Variants in VTI1A observed in about 807,000 individuals in gnomAD.
VTI1A encodes vesicle transport through interaction with t-SNAREs homolog 1A.
VTI1A carries 22 observed loss-of-function variants against 34.9 expected under a neutral mutation model. The ratio of observed to expected loss-of-function variants is 0.63; its 90% CI spans 0.45 to 0.90. The LOEUF (loss-of-function observed/expected upper bound fraction) is 0.90. Ranked by LOEUF, VTI1A falls within the 40% of genes least tolerant of loss-of-function variation. The pLI, the probability that VTI1A is intolerant of heterozygous loss-of-function variation, is 0.00. For missense variants in VTI1A, 268 were observed against 275.6 expected, an observed-to-expected ratio of 0.97 and a Z score of 0.20; for synonymous variants, 87 against 97.3, an observed-to-expected ratio of 0.89 and a Z score of 0.62.
rs748276058 is a variant in VTI1A at position 112,618,524 on chromosome 10, T to TATAGAGAGAGAG, written c.428-49693_428-49692insTAGAGAGAGAGA. On this transcript the variant is annotated intron_variant, in intron 5 of 7. Coordinates refer to ENST00000393077, the MANE Select transcript of VTI1A (RefSeq NM_145206.4). ...ATATATATATATATATATATATATA[T>TATAGAGAGAGAG]AGAGAGAGAGAGAGAGAGAGAGAGT... Among the ~76,000 whole-genome samples the TATAGAGAGAGAG allele has an allele frequency of 1.7e-3, 59 of 34,578 alleles. 1 individual carries two copies. Among genetic ancestry groups the TATAGAGAGAGAG allele is most frequent in the South Asian group, 3.3e-3 (2 of 614 alleles). 22.7% of individuals were successfully genotyped at this position (34,578 alleles called of 152,430 possible).
intron 7 of VTI1A, among the ~76,000 whole-genome samples, chr10:112,769,287 T>G (rs1260346105): frequency 1.3e-5 from 2 of 152,138 alleles, no homozygotes; most frequent in Non-Finnish European, 2.9e-5. Flanking sequence ...CAGGGCCTCA[T>G]TGTAAGGTTA....
At chr10:112,685,719 G>C (rs1330338391) in intron 7 of VTI1A, among the ~76,000 whole-genome samples, 1 of 151,698 alleles carries the variant, frequency 6.6e-6, no homozygotes, top group Non-Finnish European at 1.5e-5. Context: ...ATGTTATTTT[G>C]AGTTTTTTAT....
intron 5 of VTI1A, among the ~76,000 whole-genome samples, chr10:112,586,043 G>A (rs1012895323): frequency 1.3e-5 from 2 of 151,516 alleles, no homozygotes; most frequent in Non-Finnish European, 2.9e-5. Flanking sequence ...GTCGATTGCT[G>A]AAAAAACCCA....
At chr10:112,546,333 G>C (rs573727690) in intron 5 of VTI1A, among the ~76,000 whole-genome samples, 2 of 152,178 alleles carry the variant, frequency 1.3e-5, no homozygotes, top group East Asian at 3.9e-4. Context: ...TTGAGAAGCT[G>C]AGGTGGGAAG....
intron 7 of VTI1A, among the ~76,000 whole-genome samples, chr10:112,813,424 ATC>A (rs1853389284): frequency 1.3e-5 from 2 of 152,194 alleles, no homozygotes; most frequent in South Asian, 4.1e-4. Flanking sequence ...CATGCTTTTA[ATC>A]TGTTTCACTG....
chr10:112,485,170 A>T (rs1012892497), intron 3 of VTI1A: 3 of 152,156 alleles, frequency 2.0e-5, no homozygotes, highest in African/African-American at 7.2e-5. Context: ...AATCCCAGCT[A>T]CTTCGGAAGG....
In VTI1A at chr10:112,726,811, G is replaced by A. The variant is rs186248230; in HGVS notation, c.560+57813G>A. ...GATGTGCACTGGCTTGTTGGAGGCTGCAGGGTTTGGAGGTGAGTCTGAACA... is the reference window on the plus strand; with the variant it reads ...GATGTGCACTGGCTTGTTGGAGGCTACAGGGTTTGGAGGTGAGTCTGAACA... On this transcript the variant is annotated intron_variant, in intron 7 of 7. Transcript: ENST00000393077. 1.4e-3 allele frequency among the ~76,000 whole-genome samples: 208 copies of A among 152,290 alleles called. 4 individuals are homozygous for A. The highest frequency in any genetic ancestry group is 0.012 in the Admixed American group (183 of 15,298).
intron 5 of VTI1A, among the ~76,000 whole-genome samples, chr10:112,559,761 C>T (rs1375195432): frequency 6.6e-6 from 1 of 152,188 alleles, no homozygotes; most frequent in African/African-American, 2.4e-5. Context: ...CACAGAGCCA[C>T]ACAGCCATTC....
intron 5 of VTI1A, among the ~76,000 whole-genome samples, chr10:112,664,030 G>A (rs1847557039): frequency 6.6e-6 from 1 of 152,112 alleles, no homozygotes; most frequent in Non-Finnish European, 1.5e-5. Context: ...TGTTGGTGAA[G>A]TTTTCAAGTA....
At chr10:112,527,065 C>A (rs762506370) in intron 3 of VTI1A, 22 bp from the exon 4 acceptor site, 1 of 1,610,186 alleles carries the variant, frequency 6.2e-7, no homozygotes, top group South Asian at 1.1e-5. Context: ...CTCACTCTCT[C>A]CCTTTTTGTT....
At chr10:112,518,892 A>G (rs976321693) in intron 3 of VTI1A, among the ~76,000 whole-genome samples, 10 of 151,954 alleles carry the variant, frequency 6.6e-5, no homozygotes, top group Non-Finnish European at 1.3e-4. Context: ...TGAATGAGGT[A>G]TGAAGTTTCA....
intron 7 of VTI1A, among the ~76,000 whole-genome samples, chr10:112,690,544 T>C (rs188095965): frequency 2.6e-5 from 4 of 152,336 alleles, no homozygotes; most frequent in East Asian, 3.9e-4. Context: ...ACCTGTGCCA[T>C]TGAGCAACTT....
intron 5 of VTI1A, among the ~76,000 whole-genome samples, chr10:112,551,157 T>C (rs1429824597): frequency 1.4e-5 from 2 of 140,122 alleles, no homozygotes; most frequent in African/African-American, 5.5e-5. Flanking sequence ...GGCAGGAGAA[T>C]GGTGTGAACC....
chr10:112,690,049 T>G (rs1848560393), intron 7 of VTI1A, among the ~76,000 whole-genome samples: 1 of 152,242 alleles, frequency 6.6e-6, no homozygotes, highest in African/African-American at 2.4e-5. Context: ...TTCTTTCATT[T>G]GCATAGAGCT....
At chr10:112,802,200 T>C (rs1447396976) in intron 7 of VTI1A, among the ~76,000 whole-genome samples, 2 of 152,136 alleles carry the variant, frequency 1.3e-5, no homozygotes, top group Non-Finnish European at 2.9e-5. Context: ...AGCAGTGCCA[T>C]GGCACTCCAG....
At chr10:112,819,267 C>G (rs569503356), downstream of VTI1A, among the ~76,000 whole-genome samples, 13 of 152,264 alleles carry the variant, frequency 8.5e-5, no homozygotes, top group African/African-American at 3.1e-4. Flanking sequence ...TTGGTTTGAA[C>G]TGCTAGCCTA....
intron 7 of VTI1A, among the ~76,000 whole-genome samples, chr10:112,718,975 A>G (rs1330590335): frequency 7.9e-5 from 12 of 152,224 alleles, no homozygotes; most frequent in Admixed American, 7.9e-4. Flanking sequence ...GTCTGCTTTC[A>G]TTCACAGAGC....
chr10:112,750,457 C>T (rs1851061644), intron 7 of VTI1A, among the ~76,000 whole-genome samples: 2 of 152,252 alleles, frequency 1.3e-5, no homozygotes, highest in Admixed American at 1.3e-4. Context: ...CACAAGCAAT[C>T]CTTCCTCTTC....
intron 5 of VTI1A, among the ~76,000 whole-genome samples, chr10:112,611,659 A>G (rs1845313336): frequency 6.6e-6 from 1 of 152,078 alleles, no homozygotes; most frequent in East Asian, 1.9e-4. Context: ...AGAAAAGAAG[A>G]AGAAAAAGTG....
Sources: gnomAD v4.1 joint callset for allele counts (sites outside exome capture counted in the v4.1 genomes callset) on GRCh38, gnomAD v4.1.1 for gene constraint, MANE v1.5 for transcripts, NCBI Gene and HGNC (gene_info 2026-07-23, HGNC 2026-07-21) for gene names.